Variants in MYO9A observed in about 807,000 individuals in gnomAD.
MYO9A encodes myosin IXA.
Under a neutral mutation model 293.3 loss-of-function variants are expected in MYO9A, and 103 were observed. The ratio of observed to expected loss-of-function variants is 0.35; its 90% CI spans 0.30 to 0.41. MYO9A has a LOEUF of 0.41. MYO9A is among the 10% of genes least tolerant of loss of function. MYO9A has a pLI of 1.00. For missense variants in MYO9A, 2,685 were observed against 3,033.0 expected (o/e 0.89, Z 2.69); for synonymous variants, 1,001 against 1,035.7 (o/e 0.97, Z 0.64).
chr15:72,030,673 G>C (rs1258967795), intron 3 of MYO9A, among the ~76,000 whole-genome samples: 1 of 151,948 alleles, frequency 6.6e-6, no homozygotes, highest in African/African-American at 2.4e-5. Context: ...ACAGGCACGT[G>C]CCACCACACC....
rs2054489840 is a variant in MYO9A, at chr15:71,826,119, A to AATT, written c.*458_*460dup. Reference sequence around the variant, plus strand: ...GTTTGTAAGTAAGTTTTTGGAAAAAAATTATATTCTACCCTAGCTCCTAAC... The same window carrying AATT: ...GTTTGTAAGTAAGTTTTTGGAAAAAAATTATTATATTCTACCCTAGCTCCTAAC... On this transcript the variant is annotated 3_prime_UTR_variant, in exon 42 of 42. Coordinates refer to ENST00000356056, the MANE Select transcript of MYO9A (RefSeq NM_006901.4). 1 of 152,272 alleles carries AATT rather than the reference A, an allele frequency of 6.6e-6. No individual in the cohort carries two copies. Among genetic ancestry groups the AATT allele is most frequent in the Admixed American group, 6.6e-5 (1 of 15,206 alleles). 9.4% of individuals were successfully genotyped at this position (152,272 alleles called of 1,614,324 possible).
rs1287035985 is a variant in MYO9A, at chr15:71,825,018, C to CA, written c.*1561_*1562insT. 6.6e-6 allele frequency: 1 copy of CA among 152,194 alleles called. No homozygotes were observed. Among genetic ancestry groups the CA allele is most frequent in the Non-Finnish European group, 1.5e-5 (1 of 68,042 alleles). 9.4% of individuals were successfully genotyped at this position (152,194 alleles called of 1,614,324 possible). A position where few individuals can be genotyped will look rare whatever the true frequency, so the allele number is the denominator to read the frequency against. ...AAATACAGGTTATAGATGGTAAAGGCTCTTTTTCAGAGCAGTGCATGTAGT... is the reference window on the plus strand; with the variant it reads ...AAATACAGGTTATAGATGGTAAAGGCATCTTTTTCAGAGCAGTGCATGTAGT... On this transcript the variant is annotated 3_prime_UTR_variant, in exon 42 of 42. Coordinates refer to ENST00000356056, the MANE Select transcript of MYO9A (RefSeq NM_006901.4).
At chr15:71,969,061 T>G (rs2075947435) in intron 12 of MYO9A, among the ~76,000 whole-genome samples, 2 of 152,194 alleles carry the variant, frequency 1.3e-5, no homozygotes, top group African/African-American at 2.4e-5. Context: ...ATTCTATCAG[T>G]GACCTGGGGC....
intron 19 of MYO9A, among the ~76,000 whole-genome samples, chr15:71,914,537 A>T (rs1227796946): frequency 6.6e-6 from 1 of 152,170 alleles, no homozygotes; most frequent in Non-Finnish European, 1.5e-5. Flanking sequence ...ATTATCCTAG[A>T]ATAATTGGAG....
chr15:71,921,095 T>C (rs1487841381), intron 18 of MYO9A, among the ~76,000 whole-genome samples: 1 of 152,010 alleles, frequency 6.6e-6, no homozygotes, highest in Non-Finnish European at 1.5e-5. Context: ...ACTAAAACAA[T>C]GTAACTAAAA....
Position 71,859,855 on chromosome 15 carries a change from T to G in MYO9A, c.6092-59A>C, listed in dbSNP as rs184268732. 312 of 1,422,376 alleles carry G rather than the reference T, an allele frequency of 2.2e-4. 1 individual carries two copies. The highest frequency in any genetic ancestry group is 2.9e-4 in the Non-Finnish European group (296 of 1,013,776). The allele number at this position is 1,422,376 out of a possible 1,614,324, so 88.1% of individuals were successfully genotyped here. A position where few individuals can be genotyped will look rare whatever the true frequency, so the allele number is the denominator to read the frequency against. On this transcript the variant is annotated intron_variant, in intron 33 of 41. Transcript: ENST00000356056. Reference sequence around the variant, plus strand: ...AAGTCTGTACATCAGTGATAATAACTTATCAAGTATACTTTATTTTAGACC... The same window carrying G: ...AAGTCTGTACATCAGTGATAATAACGTATCAAGTATACTTTATTTTAGACC...
At chr15:71,866,830 G>A (rs1213601037) in intron 32 of MYO9A, among the ~76,000 whole-genome samples, 6 of 152,050 alleles carry the variant, frequency 3.9e-5, no homozygotes, top group African/African-American at 7.2e-5. Flanking sequence ...ACGCCGAGGC[G>A]GGTGGATCAC....
chr15:71,999,767 T>A lies in MYO9A; in HGVS notation c.1470+84A>T. On this transcript the variant is annotated intron_variant, in intron 9 of 41. Transcript: ENST00000356056. ...AAACTTTTTGCCATTGTCATTTTCA[T>A]GCTGTTAAGAGAAAACCCAAACTTC... The A allele has an allele frequency of 1.2e-5, 12 of 991,440 alleles. 2 individuals are homozygous for A. In the South Asian group the frequency reaches 2.1e-4, roughly 17 times the overall value. The allele number at this position is 991,440 out of a possible 1,614,324, so 61.4% of individuals were successfully genotyped here.
In MYO9A at chr15:71,959,949, T is replaced by A; in HGVS notation, c.2134A>T (p.Met712Leu). Residue 712 changes from methionine to leucine, a missense_variant, in exon 14 of 42, where the codon ATG becomes TTG. Met to Leu is a conservative substitution (Grantham distance 15). Around this residue, in one of 10 missense-constraint regions of MYO9A, gnomAD observed 201 missense variants for 245.2 expected, o/e 0.82. Coordinates refer to ENST00000356056, the MANE Select transcript of MYO9A (RefSeq NM_006901.4). ...TTCCCAGCTTCCCTGAAAGCAACCA[T>A]GGCTCTGAAAAAAGCTCGGAGAATT... is the stretch of plus-strand genomic sequence containing the variant. ...WAILRAFFRA[M>L]VAFREAGKRN... 6.2e-6 allele frequency: 10 copies of A among 1,613,826 alleles called. No homozygotes were observed. Among genetic ancestry groups the A allele is most frequent in the Non-Finnish European group, 8.5e-6 (10 of 1,179,896 alleles).
chr15:71,921,508 T>G (rs955246056), intron 18 of MYO9A, among the ~76,000 whole-genome samples: 1 of 152,182 alleles, frequency 6.6e-6, no homozygotes, highest in Non-Finnish European at 1.5e-5. Context: ...ACCTAACTCA[T>G]CCCTACTTCT....
chr15:72,010,157 G>C (rs1456715525), intron 7 of MYO9A, among the ~76,000 whole-genome samples, 193 bp downstream of exon 7: 1 of 152,168 alleles, frequency 6.6e-6, no homozygotes, highest in Non-Finnish European at 1.5e-5. Context: ...TACAACAACA[G>C]TGTCAGCTTT....
intron 26 of MYO9A, among the ~76,000 whole-genome samples, chr15:71,888,871 A>C (rs574678688): frequency 4.6e-5 from 7 of 152,332 alleles, no homozygotes; most frequent in African/African-American, 1.7e-4. Flanking sequence ...TTAAGTTGGC[A>C]AAGATGAAGT....
In MYO9A at chr15:72,010,808, C is replaced by T. The variant is rs546654696; in HGVS notation, c.1156-361G>A. Among the ~76,000 whole-genome samples the T allele has an allele frequency of 2.2e-4, 34 of 152,110 alleles. 1 individual carries two copies. The highest frequency in any genetic ancestry group is 7.7e-4 in the African/African-American group (32 of 41,492). Reference sequence around the variant, plus strand: ...TTCAGAAATTCAAAGCATTTACGGGCGCTCAATTCTACCAGCAAATACTAT... The same window carrying T: ...TTCAGAAATTCAAAGCATTTACGGGTGCTCAATTCTACCAGCAAATACTAT... On this transcript the variant is annotated intron_variant, in intron 6 of 41. Coordinates refer to ENST00000356056, the MANE Select transcript of MYO9A (RefSeq NM_006901.4).
intron 1 of MYO9A, among the ~76,000 whole-genome samples, chr15:72,067,376 A>G (rs1449786147): frequency 6.6e-6 from 1 of 151,986 alleles, no homozygotes; most frequent in Non-Finnish European, 1.5e-5. Flanking sequence ...GTGGCGCAGT[A>G]TCGACTCACT....
intron 6 of MYO9A, among the ~76,000 whole-genome samples, chr15:72,015,007 C>T (rs1418072824): frequency 8.1e-6 from 1 of 122,932 alleles, no homozygotes; most frequent in Non-Finnish European, 1.8e-5. Flanking sequence ...CCACGCCCTG[C>T]TAATTTTTTT....
At chr15:72,028,373 C>A (rs929129928) in intron 3 of MYO9A, among the ~76,000 whole-genome samples, 2 of 151,022 alleles carry the variant, frequency 1.3e-5, no homozygotes, top group Non-Finnish European at 2.9e-5. Flanking sequence ...CCAGGCCAGG[C>A]GCAGTGGCTC....
chr15:71,972,490 T>C (rs1011741144), intron 12 of MYO9A, among the ~76,000 whole-genome samples: 7 of 152,144 alleles, frequency 4.6e-5, no homozygotes, highest in African/African-American at 1.7e-4. Context: ...GGGTGCAGTT[T>C]TGGGGACTGA....
At chr15:71,842,572 A>C (rs1477121611) in intron 39 of MYO9A, among the ~76,000 whole-genome samples, 1 of 151,112 alleles carries the variant, frequency 6.6e-6, no homozygotes, top group South Asian at 2.1e-4. Flanking sequence ...TAATATTTCT[A>C]TATGTGGCTG....
At chr15:71,854,652 T>C (rs930364617) in intron 34 of MYO9A, 83 bp from the exon 35 acceptor site, 5 of 1,134,412 alleles carry the variant, frequency 4.4e-6, no homozygotes, top group Non-Finnish European at 6.1e-6. Context: ...AGGAGCTACT[T>C]TTTTATTTCT....
Sources: gnomAD v4.1 joint callset for allele counts (sites outside exome capture counted in the v4.1 genomes callset) on GRCh38, gnomAD v4.1.1 for gene constraint, gnomAD v4.1.1 regional missense constraint, MANE v1.5 for transcripts, NCBI Gene and HGNC (gene_info 2026-07-23, HGNC 2026-07-21) for gene names.